Variants in UPK3A observed in about 807,000 individuals in gnomAD.
The protein encoded by UPK3A is uroplakin 3A.
A neutral mutation model predicts 27.6 loss-of-function variants in UPK3A; 32 were observed. The observed-to-expected ratio is 1.16, with a 90% CI of 0.87 to 1.55. The LOEUF (loss-of-function observed/expected upper bound fraction) is 1.55, where lower values mean the gene tolerates loss of function less well. UPK3A is among the 40% of genes most tolerant of loss of function. The probability of loss-of-function intolerance (pLI) is 0.00; values close to 1 mark genes in which losing one functional copy is unlikely to be tolerated. For synonymous variants in UPK3A, 171 were observed against 163.9 expected, an observed-to-expected ratio of 1.04 and a Z score of -0.33; for missense variants, 370 against 367.9, an observed-to-expected ratio of 1.01 and a Z score of -0.05.
Position 45,287,195 on chromosome 22 carries a change from C to T in UPK3A, c.232C>T (p.Gln78Ter), listed in dbSNP as rs1569103738. 1.9e-6 allele frequency: 3 copies of T among 1,614,210 alleles called. No individual in the cohort carries two copies. The highest frequency in any genetic ancestry group is 1.7e-6 in the Non-Finnish European group (2 of 1,180,040). The part of the protein sequence containing the change: ...DSAISRNASV[Q>*]DSTNTPLGST... ...AGCCATTTCCAGGAATGCCTCAGTG[C>T]AAGACAGCACCAACACCCCACTGGG... is the stretch of plus-strand genomic sequence containing the variant. Residue 78 changes from glutamine (Q) to a stop codon, truncating the protein, a stop_gained, in exon 3 of 6, where the codon CAA becomes TAA. Transcript: ENST00000216211. LOFTEE classifies it high-confidence loss of function.
At chr22:45,291,418 TTGTA>T in intron 4 of UPK3A, among the ~76,000 whole-genome samples, 1 of 147,714 alleles carries the variant, frequency 6.8e-6, no homozygotes, top group East Asian at 2.0e-4. Context: ...AGAGTGTGTA[TTGTA>T]TGTGTGTGGT....
chr22:45,291,508 G>A lies in UPK3A; in HGVS notation c.572-1673G>A, dbSNP rs377587295. 4.5e-3 allele frequency among the ~76,000 whole-genome samples: 677 copies of A among 150,798 alleles called. 5 individuals carry two copies. The highest frequency in any genetic ancestry group is 0.016 in the African/African-American group (646 of 41,012). On this transcript the variant is annotated intron_variant, in intron 4 of 5. Transcript: ENST00000216211. ...ATGTGTGTGGTGTGTGAGTGTGAGA[G>A]TGTGTGTGTGAGTTGGAATGTGTGT...
intron 3 of UPK3A, among the ~76,000 whole-genome samples, chr22:45,288,681 T>G (rs1225843881): frequency 6.6e-6 from 1 of 152,178 alleles, no homozygotes; most frequent in Non-Finnish European, 1.5e-5. Flanking sequence ...GGAGCAGGCT[T>G]GGAGTCACGG....
intron 3 of UPK3A, 56 bp downstream of exon 3, chr22:45,287,507 G>A (rs1569104132): frequency 3.2e-6 from 5 of 1,546,098 alleles, no homozygotes; most frequent in Non-Finnish European, 4.4e-6. Flanking sequence ...GTCCTGATGA[G>A]GGAGAGCAGG....
At position 45,287,308 on chromosome 22, in the gene UPK3A, C is replaced by T. The variant is rs922578960; in HGVS notation, c.345C>T (p.Ser115=). The change falls in exon 3 of 6, where the codon AGC becomes AGT. Residue 115 remains serine, a synonymous_variant. Coordinates refer to ENST00000216211, the MANE Select transcript of UPK3A (RefSeq NM_006953.4). ...FDLIPCSDLP[S]LDAIGDVSKA... Reference sequence around the variant, plus strand: ...TGATCCCCTGCAGTGACCTGCCCAGCCTGGATGCCATTGGGGATGTGTCCA... The same window carrying T: ...TGATCCCCTGCAGTGACCTGCCCAGTCTGGATGCCATTGGGGATGTGTCCA... 16 of 1,614,128 alleles carry T rather than the reference C, an allele frequency of 9.9e-6. No individual in the cohort carries two copies. In the East Asian group the frequency reaches 1.3e-4, roughly 13 times the overall value.
intron 4 of UPK3A, among the ~76,000 whole-genome samples, chr22:45,290,829 G>T (rs1019200667): frequency 6.6e-6 from 1 of 152,112 alleles, no homozygotes; most frequent in Non-Finnish European, 1.5e-5. Flanking sequence ...AGAGTGTCAC[G>T]GGAGCGCGAA....
chr22:45,285,084 G>C lies in UPK3A; in HGVS notation c.52+19G>C. ...GGCTCGGGTAGGCGGTGAAGGGCAG[G>C]AGGGGGCTGAGCCCAGAAAGAGCGG... On this transcript the variant is annotated intron_variant, in intron 1 of 5. Transcript: ENST00000216211. The C allele has an allele frequency of 6.5e-7, 1 of 1,534,282 alleles. No individual in the cohort carries two copies. Among genetic ancestry groups the C allele is most frequent in the East Asian group, 2.4e-5 (1 of 40,880 alleles).
At chr22:45,286,434 C>A (rs1452588535) in intron 2 of UPK3A, among the ~76,000 whole-genome samples, 3 of 152,134 alleles carry the variant, frequency 2.0e-5, no homozygotes, top group Non-Finnish European at 4.4e-5. Flanking sequence ...CCTCCCAGGG[C>A]TGGAGAGTGA....
rs1441096950 is a variant in UPK3A, at chr22:45,295,525, C to T, written c.705-35C>T. The T allele has an allele frequency of 1.9e-6, 3 of 1,613,694 alleles. No individual in the cohort carries two copies. In the African/African-American group the frequency reaches 4.0e-5, roughly 22 times the overall value. ...TAAAGGCATTTGGGTTTGCTCTGGT[C>T]CCCTAATCCTGGGTCTTTCCATCCC... On this transcript the variant is annotated intron_variant, in intron 5 of 5. Transcript: ENST00000216211.
intron 4 of UPK3A, among the ~76,000 whole-genome samples, chr22:45,290,603 G>T (rs1174061850): frequency 6.6e-6 from 1 of 151,998 alleles, no homozygotes; most frequent in Non-Finnish European, 1.5e-5. Context: ...AGTATGTGAG[G>T]AGTGTGGTGT....
At position 45,287,375 on chromosome 22, in the gene UPK3A, G is replaced by A. The variant is rs1297894816; in HGVS notation, c.412G>A (p.Ala138Thr). Residue 138 changes from alanine to threonine, a missense_variant, in exon 3 of 6, where the codon GCC becomes ACC. Coordinates refer to ENST00000216211, the MANE Select transcript of UPK3A (RefSeq NM_006953.4). ...ILNAYLVRVGANGTCLWDPNF... is the reference protein window; with the variant it reads ...ILNAYLVRVGTNGTCLWDPNF... ...GAATGCCTACCTGGTCAGGGTGGGT[G>A]CCAACGGGACCTGCCTGTGGGATCC... The A allele has an allele frequency of 6.2e-7, 1 of 1,613,588 alleles. No homozygotes were observed. The highest frequency in any genetic ancestry group is 8.5e-7 in the Non-Finnish European group (1 of 1,179,776).
intron 3 of UPK3A, among the ~76,000 whole-genome samples, chr22:45,288,351 C>T (rs370638184): frequency 3.7e-4 from 56 of 152,250 alleles, no homozygotes; most frequent in African/African-American, 1.2e-3. Flanking sequence ...GCCCCCACCA[C>T]GCCTGGCTAC....
chr22:45,285,849 C>A (rs1225319943), intron 1 of UPK3A, 92 bp from the exon 2 acceptor site: 2 of 1,577,070 alleles, frequency 1.3e-6, no homozygotes, highest in East Asian at 4.5e-5. Flanking sequence ...AAGCCCAGGG[C>A]CTGGCACACA....
Position 45,294,969 on chromosome 22 carries a change from G to A in UPK3A, c.705-591G>A, listed in dbSNP as rs1486603766. Among the ~76,000 whole-genome samples the A allele has an allele frequency of 4.0e-5, 6 of 150,496 alleles. No homozygotes were observed. The East Asian group carries it at 7.7e-4, about 19-fold the overall frequency. On this transcript the variant is annotated intron_variant, in intron 5 of 5. Coordinates refer to ENST00000216211, the MANE Select transcript of UPK3A (RefSeq NM_006953.4). Reference sequence around the variant, plus strand: ...CAACCTCCGCCTCCCAGGTTCAAGCGATACTCCTGCCTCAGCCTCCTGAGT... The same window carrying A: ...CAACCTCCGCCTCCCAGGTTCAAGCAATACTCCTGCCTCAGCCTCCTGAGT...
chr22:45,287,094 A>C (rs2673087), intron 2 of UPK3A, 78 bp from the exon 3 acceptor site: 1 of 1,599,260 alleles, frequency 6.3e-7, no homozygotes, highest in Non-Finnish European at 8.5e-7. Flanking sequence ...AAGGATGATC[A>C]GGCATTTGAT....
At chr22:45,285,762 C>T (rs572301441) in intron 1 of UPK3A, among the ~76,000 whole-genome samples, 179 bp from the exon 2 acceptor site, 3 of 152,234 alleles carry the variant, frequency 2.0e-5, no homozygotes, top group South Asian at 2.1e-4. Context: ...TTGGCCCGAC[C>T]GCTCCATTTC....
intron 4 of UPK3A, 78 bp from the exon 5 acceptor site, chr22:45,293,103 G>C: frequency 6.3e-7 from 1 of 1,594,218 alleles, no homozygotes. Context: ...CAGGGCGGGG[G>C]AGACACCCGC....
chr22:45,288,530 G>A (rs1381070063), intron 3 of UPK3A, among the ~76,000 whole-genome samples: 2 of 151,974 alleles, frequency 1.3e-5, no homozygotes, highest in African/African-American at 4.8e-5. Flanking sequence ...ACAGGGTTTT[G>A]CCATGTTGGC....
intron 5 of UPK3A, among the ~76,000 whole-genome samples, chr22:45,294,070 C>A (rs186537805): frequency 6.6e-6 from 1 of 151,800 alleles, no homozygotes. Context: ...AGAGGAGGGC[C>A]GGGGGGGTGC....
Sources: allele counts gnomAD v4.1 joint callset (sites outside exome capture counted in the v4.1 genomes callset), GRCh38; gene constraint gnomAD v4.1.1; transcripts MANE v1.5; gene names NCBI Gene and HGNC (gene_info 2026-07-23, HGNC 2026-07-21).